Variants in HMGCLL1 observed in about 807,000 individuals in gnomAD.
HMGCLL1 encodes 3-hydroxy-3-methylglutaryl-CoA lyase like 1.
A neutral mutation model predicts 39.1 loss-of-function variants in HMGCLL1; 36 were observed. The ratio of observed to expected loss-of-function variants is 0.92; its 90% CI spans 0.71 to 1.22. The LOEUF (loss-of-function observed/expected upper bound fraction) is 1.22, where lower values mean the gene tolerates loss of function less well. Ranked by LOEUF, HMGCLL1 falls within the 50% of genes most tolerant of loss-of-function variation. The probability of loss-of-function intolerance (pLI) is 0.00; values close to 1 mark genes in which losing one functional copy is unlikely to be tolerated. For synonymous variants in HMGCLL1, 149 were observed against 144.0 expected (o/e 1.03, Z -0.25); for missense variants, 451 against 416.5 (o/e 1.08, Z -0.72).
the HMGCLL1 span, among the ~76,000 whole-genome samples, chr6:55,673,558 C>A: frequency 1.5e-4 from 23 of 151,792 alleles, no homozygotes; most frequent in African/African-American, 5.6e-4. Flanking sequence ...TAGCAAACAC[C>A]GTTAACAGAA....
At chr6:55,601,378 T>C in the HMGCLL1 span, among the ~76,000 whole-genome samples, 2 of 152,152 alleles carry the variant, frequency 1.3e-5, no homozygotes, top group Non-Finnish European at 2.9e-5. Context: ...ACGATTCACA[T>C]TATTCTGCAG....
the HMGCLL1 span, among the ~76,000 whole-genome samples, chr6:55,660,140 T>G: frequency 6.6e-6 from 1 of 151,860 alleles, no homozygotes; most frequent in Admixed American, 6.6e-5. Context: ...ACCCCTGCAT[T>G]ACTGAATAAT....
the HMGCLL1 span, among the ~76,000 whole-genome samples, chr6:55,649,199 C>T: frequency 6.6e-6 from 1 of 151,994 alleles, no homozygotes; most frequent in Non-Finnish European, 1.5e-5. Flanking sequence ...CAGATGATTT[C>T]GTCTCACTCA....
chr6:55,499,808 TTCTC>T (rs1167429222), intron 5 of HMGCLL1, among the ~76,000 whole-genome samples: 3 of 151,854 alleles, frequency 2.0e-5, no homozygotes, highest in African/African-American at 7.3e-5. Flanking sequence ...AGTTCATTTT[TTCTC>T]TCTCTCTCAT....
chr6:55,522,244 A>C (rs1768078763), intron 3 of HMGCLL1, among the ~76,000 whole-genome samples: 1 of 152,034 alleles, frequency 6.6e-6, no homozygotes, highest in Non-Finnish European at 1.5e-5. Context: ...CTTAAAGGAT[A>C]CTGTTTATTA....
chr6:55,494,110 T>C (rs777997112), intron 7 of HMGCLL1, among the ~76,000 whole-genome samples: 70 of 152,208 alleles, frequency 4.6e-4, no homozygotes, highest in Non-Finnish European at 6.8e-4. Context: ...TAAAACCGCA[T>C]TGGGGTATTA....
chr6:55,587,644 G>C, the HMGCLL1 span, among the ~76,000 whole-genome samples: 1 of 152,038 alleles, frequency 6.6e-6, no homozygotes, highest in Admixed American at 6.6e-5. Context: ...TCAGTGTGCT[G>C]TATTCAGGAA....
intron 7 of HMGCLL1, among the ~76,000 whole-genome samples, chr6:55,474,034 TTC>T (rs1765169910): frequency 6.6e-6 from 1 of 151,528 alleles, no homozygotes; most frequent in African/African-American, 2.4e-5. Flanking sequence ...TCTTTCAAAA[TTC>T]TCTGTTTATC....
chr6:55,627,065 A>C, the HMGCLL1 span, among the ~76,000 whole-genome samples: 6 of 151,282 alleles, frequency 4.0e-5, no homozygotes, highest in South Asian at 1.2e-3. Flanking sequence ...AAAAAAAAAA[A>C]AAAAAAAAAT....
intron 1 of HMGCLL1, among the ~76,000 whole-genome samples, chr6:55,544,936 A>G (rs372748511): frequency 2.0e-4 from 30 of 152,178 alleles, no homozygotes; most frequent in Admixed American, 3.3e-4. Flanking sequence ...GGATGACAAC[A>G]TGAAATCATG....
the HMGCLL1 span, among the ~76,000 whole-genome samples, chr6:55,594,375 G>A: frequency 1.3e-5 from 2 of 152,002 alleles, no homozygotes; most frequent in Non-Finnish European, 2.9e-5. Flanking sequence ...AGAATTTCCT[G>A]AATTTATCAT....
chr6:55,624,788 AC>A, the HMGCLL1 span, among the ~76,000 whole-genome samples: 1 of 152,116 alleles, frequency 6.6e-6, no homozygotes, highest in Non-Finnish European at 1.5e-5. Flanking sequence ...AGGATAAGTT[AC>A]TGCATTTGGC....
chr6:55,603,463 C>A, the HMGCLL1 span, among the ~76,000 whole-genome samples: 1 of 52,836 alleles, frequency 1.9e-5, no homozygotes, highest in Non-Finnish European at 4.8e-5. Context: ...CAGTTGTTCT[C>A]ATTGCTCAGG....
chr6:55,596,739 T>G, the HMGCLL1 span, among the ~76,000 whole-genome samples: 1 of 152,188 alleles, frequency 6.6e-6, no homozygotes. Flanking sequence ...TAAAACAAAC[T>G]TTTTGTCTCA....
At chr6:55,452,981 G>A (rs1208423567) in intron 7 of HMGCLL1, among the ~76,000 whole-genome samples, 1 of 152,174 alleles carries the variant, frequency 6.6e-6, no homozygotes, top group Non-Finnish European at 1.5e-5. Flanking sequence ...GAGCAAGGAA[G>A]GGGTGGAGGA....
chr6:55,617,072 C>A, the HMGCLL1 span, among the ~76,000 whole-genome samples: 1 of 151,898 alleles, frequency 6.6e-6, no homozygotes. Flanking sequence ...GGTATGTGTG[C>A]AGGATGTGCA....
chr6:55,485,252 T>C (rs1035727385), intron 7 of HMGCLL1, among the ~76,000 whole-genome samples: 1 of 152,132 alleles, frequency 6.6e-6, no homozygotes, highest in African/African-American at 2.4e-5. Context: ...TCTATTTTTT[T>C]GCATAGCTTT....
the HMGCLL1 span, among the ~76,000 whole-genome samples, chr6:55,659,138 A>G: frequency 1.3e-5 from 2 of 151,926 alleles, no homozygotes; most frequent in Non-Finnish European, 2.9e-5. Context: ...GGGTGGATAC[A>G]GGTAACAAGA....
At chr6:55,659,249 A>T in the HMGCLL1 span, among the ~76,000 whole-genome samples, 1 of 151,938 alleles carries the variant, frequency 6.6e-6, no homozygotes, top group African/African-American at 2.4e-5. Flanking sequence ...AAAAAACCCC[A>T]GAAAATTATA....
Sources: allele counts gnomAD v4.1 joint callset (sites outside exome capture counted in the v4.1 genomes callset), GRCh38; gene constraint gnomAD v4.1.1; transcripts MANE v1.5; gene names NCBI Gene and HGNC (gene_info 2026-07-23, HGNC 2026-07-21).